Variants in DCPS observed in about 807,000 individuals in gnomAD.
The protein encoded by DCPS is decapping enzyme, scavenger.
Under a neutral mutation model 34.7 loss-of-function variants are expected in DCPS, and 27 were observed. That is an observed-to-expected ratio of 0.78 (90% CI 0.57 to 1.07). The LOEUF (loss-of-function observed/expected upper bound fraction) is 1.07, where lower values mean the gene tolerates loss of function less well. DCPS is among the 50% of genes least tolerant of loss of function. The pLI is 0.00. For missense variants in DCPS, 464 were observed against 436.9 expected (o/e 1.06, Z -0.55); for synonymous variants, 185 against 185.7 (o/e 1.00, Z 0.03).
chr11:126,320,754 G>C lies in DCPS; in HGVS notation c.377-10651G>C, dbSNP rs1951699529. ...GGACATAGAGGCTGCACTCCAGCCT[G>C]GGAGACAGAGCCAGACCCTGTCTCC... On this transcript the variant is annotated intron_variant, in intron 2 of 5. Coordinates refer to ENST00000263579, the MANE Select transcript of DCPS (RefSeq NM_014026.6). The surrounding 1 kb of genome is among the most constrained non-coding windows in gnomAD (Gnocchi z 4.7). Among the ~76,000 whole-genome samples the C allele has an allele frequency of 6.6e-6, 1 of 152,174 alleles. No homozygotes were observed. Among genetic ancestry groups the C allele is most frequent in the Admixed American group, 6.5e-5 (1 of 15,276 alleles).
Position 126,331,330 on chromosome 11 carries a change from T to C in DCPS, c.377-75T>C, listed in dbSNP as rs1951789535. On this transcript the variant is annotated intron_variant, in intron 2 of 5. Coordinates refer to ENST00000263579, the MANE Select transcript of DCPS (RefSeq NM_014026.6). The surrounding 1 kb of genome is among the most constrained non-coding windows in gnomAD (Gnocchi z 7.2). ...GGAATCAAAGCCAGGGTGGGAGTTC[T>C]CTCCTCACCGTGGTGCCTGTGGCAT... The C allele has an allele frequency of 1.3e-6, 2 of 1,565,216 alleles. No homozygotes were observed. Among genetic ancestry groups the C allele is most frequent in the Admixed American group, 3.7e-5 (2 of 54,392 alleles).
intron 2 of DCPS, among the ~76,000 whole-genome samples, chr11:126,330,623 C>T (rs1951775678): frequency 7.0e-6 from 1 of 142,042 alleles, no homozygotes; most frequent in Non-Finnish European, 1.5e-5. Context: ...GCTGCAGAGT[C>T]TGTGCCTGGA....
At position 126,304,315 on chromosome 11, in the gene DCPS, A is replaced by G. The variant is rs764358884; in HGVS notation, c.201+34A>G. 4 of 1,611,848 alleles carry G rather than the reference A, an allele frequency of 2.5e-6. No individual in the cohort carries two copies. In the East Asian group the frequency reaches 6.7e-5, roughly 27 times the overall value. ...AGGCAACCCTGAGGTGGGATGCGGG[A>G]AGCAGTGAACCAATCATCGCCTCGG... is the stretch of plus-strand genomic sequence containing the variant. On this transcript the variant is annotated intron_variant, in intron 1 of 5. Coordinates refer to ENST00000263579, the MANE Select transcript of DCPS (RefSeq NM_014026.6).
chr11:126,323,450 G>GT lies in DCPS; in HGVS notation c.377-7953dup, dbSNP rs1466211411. ...TTTTCAAAGCAGGTGTACTTTAATG[G>GT]TTAAAAAAATACACATGATGCAGAA... On this transcript the variant is annotated intron_variant, in intron 2 of 5. Coordinates refer to ENST00000263579, the MANE Select transcript of DCPS (RefSeq NM_014026.6). The surrounding 1 kb of genome is among the most constrained non-coding windows in gnomAD (Gnocchi z 4.4). Among the ~76,000 whole-genome samples the GT allele has an allele frequency of 6.6e-6, 1 of 151,916 alleles. No individual in the cohort carries two copies. The highest frequency in any genetic ancestry group is 2.4e-5 in the African/African-American group (1 of 41,368).
At chr11:126,308,806 T>C (rs1405552501) in intron 2 of DCPS, among the ~76,000 whole-genome samples, 3 of 151,932 alleles carry the variant, frequency 2.0e-5, no homozygotes, top group African/African-American at 7.3e-5. Context: ...CTGTCCTTTT[T>C]ATTTTCCCAG....
intron 1 of DCPS, among the ~76,000 whole-genome samples, chr11:126,305,171 G>A (rs994744979): frequency 6.6e-6 from 1 of 152,152 alleles, no homozygotes; most frequent in African/African-American, 2.4e-5. Flanking sequence ...AGAGTGCAGT[G>A]ATGTGATCTC....
At chr11:126,307,566 A>G (rs940265029) in intron 2 of DCPS, among the ~76,000 whole-genome samples, 2 of 151,808 alleles carry the variant, frequency 1.3e-5, no homozygotes, top group Non-Finnish European at 2.9e-5. Flanking sequence ...GCCCACCACC[A>G]CGCCTGGCTA....
In DCPS at chr11:126,349,986, G is replaced by T. The variant is rs1486331263; in HGVS notation, c.*4373G>T. On this transcript the variant is annotated 3_prime_UTR_variant, in exon 6 of 6. Coordinates refer to ENST00000263579, the MANE Select transcript of DCPS (RefSeq NM_014026.6). This position sits in a 1 kb window ranked among gnomAD's most constrained non-coding sequence, Gnocchi z 5.4. Reference sequence around the variant, plus strand: ...AATTTCAATACAATTTAATAAACAGGCTTTGAGCATCTACCCCCACCCCCT... The same window carrying T: ...AATTTCAATACAATTTAATAAACAGTCTTTGAGCATCTACCCCCACCCCCT... 6.6e-6 allele frequency among the ~76,000 whole-genome samples: 1 copy of T among 152,172 alleles called. No individual in the cohort carries two copies. Among genetic ancestry groups the T allele is most frequent in the Non-Finnish European group, 1.5e-5 (1 of 68,038 alleles).
intron 1 of DCPS, 133 bp from the exon 2 acceptor site, chr11:126,306,437 C>G: frequency 3.0e-6 from 3 of 996,516 alleles, no homozygotes; most frequent in Non-Finnish European, 4.2e-6. Context: ...GGCTAGACTT[C>G]CCCAGAGGGA....
chr11:126,332,184 C>T lies in DCPS; in HGVS notation c.522+634C>T, dbSNP rs1270328254. On this transcript the variant is annotated intron_variant, in intron 3 of 5. Coordinates refer to ENST00000263579, the MANE Select transcript of DCPS (RefSeq NM_014026.6). This position sits in a 1 kb window ranked among gnomAD's most constrained non-coding sequence, Gnocchi z 5.4. ...TCCCTCACCGACTCCCCCTTGCATTCGTCCAAAAGAAGGCAGGACCCCATT... is the reference window on the plus strand; with the variant it reads ...TCCCTCACCGACTCCCCCTTGCATTTGTCCAAAAGAAGGCAGGACCCCATT... Among the ~76,000 whole-genome samples the T allele has an allele frequency of 6.6e-6, 1 of 152,272 alleles. No individual in the cohort carries two copies. The highest frequency in any genetic ancestry group is 1.5e-5 in the Non-Finnish European group (1 of 68,026).
chr11:126,310,021 C>G (rs1453279589), intron 2 of DCPS, among the ~76,000 whole-genome samples: 1 of 152,188 alleles, frequency 6.6e-6, no homozygotes, highest in African/African-American at 2.4e-5. Flanking sequence ...AACCTCTGTT[C>G]CAGATTTTTA....
At position 126,345,252 on chromosome 11, in the gene DCPS, C is replaced by A. The variant is rs547671658; in HGVS notation, c.748-95C>A. 64 of 1,548,124 alleles carry A rather than the reference C, an allele frequency of 4.1e-5. 1 individual carries two copies. In the South Asian group the frequency reaches 4.4e-4, roughly 11 times the overall value. On this transcript the variant is annotated intron_variant, in intron 5 of 5. Transcript: ENST00000263579. This position sits in a 1 kb window ranked among gnomAD's most constrained non-coding sequence, Gnocchi z 7.4. ...TTTTTGTGAGCTGTCCCAGGCCAAT[C>A]CAGGATTCAGATGGGAGGAGGGTCT...
At position 126,342,831 on chromosome 11, in the gene DCPS, G is replaced by C. The variant is rs1951885802; in HGVS notation, c.637-476G>C. Among the ~76,000 whole-genome samples the C allele has an allele frequency of 6.6e-6, 1 of 152,100 alleles. No homozygotes were observed. The highest frequency in any genetic ancestry group is 2.4e-5 in the African/African-American group (1 of 41,408). ...GCGGTGGCTCACGCCTGTAATCCCA[G>C]CACTTTGGGAGGCCGAGGCAGGCGG... On this transcript the variant is annotated intron_variant, in intron 4 of 5. Coordinates refer to ENST00000263579, the MANE Select transcript of DCPS (RefSeq NM_014026.6). This position sits in a 1 kb window ranked among gnomAD's most constrained non-coding sequence, Gnocchi z 4.4.
rs1457988895 is a variant in DCPS at position 126,309,024 on chromosome 11, C to CCT, written c.376+2280_376+2281insCT. Among the ~76,000 whole-genome samples, 14 of 138,392 alleles carry CCT rather than the reference C, an allele frequency of 1.0e-4. 1 individual carries two copies. The highest frequency in any genetic ancestry group is 9.3e-5 in the Non-Finnish European group (6 of 64,326). The allele number at this position is 138,392 out of a possible 152,430, so 90.8% of individuals were successfully genotyped here. On this transcript the variant is annotated intron_variant, in intron 2 of 5. Coordinates refer to ENST00000263579, the MANE Select transcript of DCPS (RefSeq NM_014026.6). ...TAGTTCATCTTTTCTTTTCCTGCCC[C>CCT]TTTTTTTTTTTTTTTTTGAGATGGA...
chr11:126,342,899 G>A lies in DCPS; in HGVS notation c.637-408G>A, dbSNP rs538448580. On this transcript the variant is annotated intron_variant, in intron 4 of 5. Transcript: ENST00000263579. This position sits in a 1 kb window ranked among gnomAD's most constrained non-coding sequence, Gnocchi z 4.4. ...TTGAGACCAGCCTGGCCAATATGGT[G>A]AAACCCCATCTCTACTAAAAATATA... Among the ~76,000 whole-genome samples, 2 of 151,986 alleles carry A rather than the reference G, an allele frequency of 1.3e-5. No individual in the cohort carries two copies. The highest frequency in any genetic ancestry group is 6.6e-5 in the Admixed American group (1 of 15,248).
chr11:126,345,616 T>C lies in DCPS; in HGVS notation c.*3T>C, dbSNP rs775887813. On this transcript the variant is annotated 3_prime_UTR_variant, in exon 6 of 6. Transcript: ENST00000263579. This position sits in a 1 kb window ranked among gnomAD's most constrained non-coding sequence, Gnocchi z 7.4. ...TGCAGGAGGCTCAGCAAAGCTGAAT[T>C]AACTCAGGCAGAAGAGCACAGATGT... 4 of 1,611,590 alleles carry C rather than the reference T, an allele frequency of 2.5e-6. No homozygotes were observed. Among genetic ancestry groups the C allele is most frequent in the Admixed American group, 1.7e-5 (1 of 60,006 alleles).
Position 126,319,795 on chromosome 11 carries a change from A to G in DCPS, c.377-11610A>G, listed in dbSNP as rs539052231. Among the ~76,000 whole-genome samples, 16 of 152,264 alleles carry G rather than the reference A, an allele frequency of 1.1e-4. No homozygotes were observed. The highest frequency in any genetic ancestry group is 1.9e-4 in the East Asian group (1 of 5,184). ...GGCCTTTGGGATACGGGAGTATTGCATAGAGGAACCAGACTGCCTGGGTTC... is the reference window on the plus strand; with the variant it reads ...GGCCTTTGGGATACGGGAGTATTGCGTAGAGGAACCAGACTGCCTGGGTTC... On this transcript the variant is annotated intron_variant, in intron 2 of 5. Transcript: ENST00000263579. This position sits in a 1 kb window ranked among gnomAD's most constrained non-coding sequence, Gnocchi z 4.5.
intron 2 of DCPS, among the ~76,000 whole-genome samples, chr11:126,317,195 G>A (rs537856775): frequency 1.3e-5 from 2 of 151,220 alleles, no homozygotes; most frequent in Non-Finnish European, 2.9e-5. Flanking sequence ...TCCTGACCTC[G>A]TGATCCACCC....
At position 126,342,764 on chromosome 11, in the gene DCPS, C is replaced by T. The variant is rs548831967; in HGVS notation, c.637-543C>T. Among the ~76,000 whole-genome samples the T allele has an allele frequency of 3.3e-5, 5 of 152,192 alleles. No individual in the cohort carries two copies. In the South Asian group the frequency reaches 1.0e-3, roughly 32 times the overall value. On this transcript the variant is annotated intron_variant, in intron 4 of 5. Coordinates refer to ENST00000263579, the MANE Select transcript of DCPS (RefSeq NM_014026.6). The surrounding 1 kb of genome is among the most constrained non-coding windows in gnomAD (Gnocchi z 4.4). ...TCTTGAACCTCCTGGCTCCCTGCCC[C>T]GACAGCTCTGGGGAGTGAGCATATA... is the stretch of plus-strand genomic sequence containing the variant.
Sources: allele counts gnomAD v4.1 joint callset (sites outside exome capture counted in the v4.1 genomes callset), GRCh38; gene constraint gnomAD v4.1.1; non-coding constraint Gnocchi (gnomAD v3.1); transcripts MANE v1.5; gene names NCBI Gene and HGNC (gene_info 2026-07-23, HGNC 2026-07-21).